F8: variants seen among roughly 807,000 people sequenced by gnomAD.
F8 encodes the protein antihemophilic factor.
A neutral mutation model predicts 140.6 loss-of-function variants in F8; 12 were observed. The ratio of observed to expected loss-of-function variants is 0.09; its 90% CI spans 0.05 to 0.14. The LOEUF is 0.14. F8 is among the 10% of genes least tolerant of loss of function. The pLI is 1.00. For synonymous variants in F8, 585 were observed against 614.6 expected (o/e 0.95, Z 0.71); for missense variants, 1,354 against 1,720.7 (o/e 0.79, Z 3.77).
chrX:154,904,671 A>G (rs2123997456), intron 16 of F8, 140 bp downstream of exon 16: 2 of 751,215 alleles, frequency 2.7e-6, no homozygotes, highest in South Asian at 4.5e-5. Flanking sequence ...CCAGAATGAC[A>G]TTTCTAAAAC....
rs1557270910 is a variant in F8, at chrX:154,836,426, TTGTGTG to T, written c.*1165_*1170del. On this transcript the variant is annotated 3_prime_UTR_variant, in exon 26 of 26. Transcript: ENST00000360256. ...GTGGAGGGCAAGAAGGGGGATCCTA[TTGTGTG>T]GTGATATGGCAGACTGGAGTGTTTT... The T allele has an allele frequency of 9.0e-6, 1 of 111,238 alleles. No homozygotes were observed. Among genetic ancestry groups the T allele is most frequent in the Non-Finnish European group, 1.9e-5 (1 of 53,053 alleles). The allele number at this position is 111,238 out of a possible 1,213,427, so 9.2% of individuals were successfully genotyped here. A position where few individuals can be genotyped will look rare whatever the true frequency, so the allele number is the denominator to read the frequency against.
Position 155,007,218 on chromosome X carries a change from C to CA in F8, c.144-7619dup, listed in dbSNP as rs1428501642. 1.2e-4 allele frequency among the ~76,000 whole-genome samples: 14 copies of CA among 112,766 alleles called. No individual in the cohort carries two copies. The East Asian group carries it at 3.6e-3, about 29-fold the overall frequency. Reference sequence around the variant, plus strand: ...TCTCCAAGTAATACGTTAATGCCAACAGAAAGCATCCATCTTGAAGGAAGC... The same window carrying CA: ...TCTCCAAGTAATACGTTAATGCCAACAAGAAAGCATCCATCTTGAAGGAAGC... On this transcript the variant is annotated intron_variant, in intron 1 of 25. Coordinates refer to ENST00000360256, the MANE Select transcript of F8 (RefSeq NM_000132.4).
intron 6 of F8, among the ~76,000 whole-genome samples, chrX:154,980,530 G>A (rs2073512525): frequency 8.9e-6 from 1 of 112,072 alleles, no homozygotes; most frequent in Non-Finnish European, 1.9e-5. Context: ...TTCATTTGTT[G>A]AGGCTGTCTT....
chrX:154,909,555 AT>A, intron 14 of F8: 1 of 122,043 alleles, frequency 8.2e-6, no homozygotes, highest in Non-Finnish European at 1.7e-5. Context: ...AGTGAAATCC[AT>A]TTTTTAACAC....
intron 22 of F8, among the ~76,000 whole-genome samples, chrX:154,891,689 C>T (rs1491003254): frequency 1.8e-5 from 2 of 112,652 alleles, no homozygotes; most frequent in African/African-American, 6.5e-5. Context: ...TCTGATTTTA[C>T]TAATGTATGG....
intron 22 of F8, among the ~76,000 whole-genome samples, chrX:154,888,315 G>A (rs1305663561): frequency 3.9e-4 from 29 of 75,143 alleles, no homozygotes; most frequent in Non-Finnish European, 4.9e-4. Flanking sequence ...TGGAATTCAC[G>A]GTTCTGGTTC....
intron 1 of F8, among the ~76,000 whole-genome samples, chrX:155,008,798 A>T (rs2124159667): frequency 9.2e-6 from 1 of 108,154 alleles, no homozygotes; most frequent in Admixed American, 9.7e-5. Context: ...GCCTCTTCCC[A>T]GCGCCGACTC....
intron 18 of F8, among the ~76,000 whole-genome samples, chrX:154,902,898 A>G (rs1451288588): frequency 8.9e-6 from 1 of 112,119 alleles, no homozygotes; most frequent in Non-Finnish European, 1.9e-5. Context: ...CGATCATCAC[A>G]AGGTACAGAA....
chrX:154,941,123 C>A (rs1445290168), intron 13 of F8, among the ~76,000 whole-genome samples: 5 of 111,787 alleles, frequency 4.5e-5, no homozygotes, highest in African/African-American at 6.5e-5. Context: ...AGCAAAATAA[C>A]CAGCTAACAT....
intron 6 of F8, among the ~76,000 whole-genome samples, chrX:154,976,818 C>T (rs1557283034): frequency 9.0e-6 from 1 of 111,676 alleles, no homozygotes; most frequent in African/African-American, 3.3e-5. Context: ...AGTAAACTAT[C>T]GCAAGAACAA....
intron 14 of F8, among the ~76,000 whole-genome samples, chrX:154,926,461 C>T (rs1029034346): frequency 7.2e-5 from 8 of 111,886 alleles, no homozygotes; most frequent in South Asian, 3.7e-4. Context: ...CTGCAACCTC[C>T]GTCTCCCCAG....
chrX:154,886,200 A>G (rs1557274712), intron 22 of F8: 1 of 766,583 alleles, frequency 1.3e-6, no homozygotes, highest in Admixed American at 3.4e-5. Flanking sequence ...CAGCCCGGCC[A>G]GGCCCCGCCT....
Position 154,862,187 on chromosome X carries a change from C to T in F8, c.6575-321G>A, listed in dbSNP as rs28739578. Reference sequence around the variant, plus strand: ...GACTACAGGCGCACACCACCACACCCGGCTAATTTTTTGTATTTTTAGTAG... The same window carrying T: ...GACTACAGGCGCACACCACCACACCTGGCTAATTTTTTGTATTTTTAGTAG... On this transcript the variant is annotated intron_variant, in intron 23 of 25. Transcript: ENST00000360256. Among the ~76,000 whole-genome samples the T allele has an allele frequency of 7.8e-3, 860 of 110,138 alleles. 16 individuals carry two copies. Among genetic ancestry groups the T allele is most frequent in the African/African-American group, 0.026 (784 of 30,183 alleles).
intron 13 of F8, among the ~76,000 whole-genome samples, chrX:154,941,172 C>T (rs781876617): frequency 8.9e-6 from 1 of 111,796 alleles, no homozygotes; most frequent in African/African-American, 3.3e-5. Flanking sequence ...ACAATATTAA[C>T]TTTAAATGTA....
At position 154,929,302 on chromosome X, in the gene F8, G is replaced by A; in HGVS notation, c.4488C>T (p.Asn1496=). Residue 1496 remains asparagine, a synonymous_variant, in exon 14 of 26, where the codon AAC becomes AAT. Coordinates refer to ENST00000360256, the MANE Select transcript of F8 (RefSeq NM_000132.4). ...GCAAGTCTGGTTTCGGGAGAACAGTGTTCTCAACTTTCTTGTATGTGACTG... is the reference window on the plus strand; with the variant it reads ...GCAAGTCTGGTTTCGGGAGAACAGTATTCTCAACTTTCTTGTATGTGACTG... The part of the protein sequence containing the change: ...TNSVTYKKVE[N]TVLPKPDLPK... 1 of 1,212,015 alleles carries A rather than the reference G, an allele frequency of 8.3e-7. No individual in the cohort carries two copies. The highest frequency in any genetic ancestry group is 1.1e-6 in the Non-Finnish European group (1 of 895,546).
intron 2 of F8, among the ~76,000 whole-genome samples, chrX:154,998,051 A>G (rs191018352): frequency 8.0e-5 from 9 of 112,147 alleles, no homozygotes; most frequent in African/African-American, 2.6e-4. Flanking sequence ...AAATAGCCTT[A>G]TTTTTCTTAG....
chrX:154,981,450 C>T (rs782532642), intron 6 of F8, among the ~76,000 whole-genome samples: 1 of 108,142 alleles, frequency 9.2e-6, no homozygotes, highest in South Asian at 4.1e-4. Context: ...CCAAACCCCT[C>T]TCCTCAACCT....
intron 3 of F8, 89 bp from the exon 4 acceptor site, chrX:154,993,237 C>T (rs2073598574): frequency 3.9e-6 from 3 of 769,347 alleles, no homozygotes; most frequent in South Asian, 4.9e-5. Context: ...ATAGGTTCTA[C>T]ATAAGAAACG....
At position 154,937,372 on chromosome X, in the gene F8, C is replaced by T. The variant is rs189089583; in HGVS notation, c.2114-5696G>A. ...AAATTTGATGAACCTATAACAAAGGCGACAAACTTTTTTTTTTTATTATAC... is the reference window on the plus strand; with the variant it reads ...AAATTTGATGAACCTATAACAAAGGTGACAAACTTTTTTTTTTTATTATAC... On this transcript the variant is annotated intron_variant, in intron 13 of 25. Transcript: ENST00000360256. 6.0e-3 allele frequency among the ~76,000 whole-genome samples: 656 copies of T among 109,170 alleles called. 7 individuals carry two copies. Among genetic ancestry groups the T allele is most frequent in the African/African-American group, 0.021 (616 of 30,036 alleles). 94.8% of individuals were successfully genotyped at this position (109,170 alleles called of 115,157 possible).
Sources: gnomAD v4.1 joint callset for allele counts (sites outside exome capture counted in the v4.1 genomes callset) on GRCh38, gnomAD v4.1.1 for gene constraint, MANE v1.5 for transcripts, NCBI Gene and HGNC (gene_info 2026-07-23, HGNC 2026-07-21) for gene names.